The following ZFHX3 variants were observed in gnomAD, a reference collection of about 807,000 sequenced individuals.
ZFHX3 encodes the protein zinc finger homeobox protein 3.
A neutral mutation model predicts 279.1 loss-of-function variants in ZFHX3; 42 were observed. The ratio of observed to expected loss-of-function variants is 0.15; its 90% CI spans 0.12 to 0.19. ZFHX3 has a LOEUF of 0.19. ZFHX3 is among the 10% of genes least tolerant of loss of function. The pLI, the probability that ZFHX3 is intolerant of heterozygous loss-of-function variation, is 1.00. For synonymous variants in ZFHX3, 2,293 were observed against 1,957.8 expected, an observed-to-expected ratio of 1.17 and a Z score of -4.52; for missense variants, 4,981 against 4,754.0, an observed-to-expected ratio of 1.05 and a Z score of -1.40.
intron 4 of ZFHX3, among the ~76,000 whole-genome samples, chr16:73,313,845 C>T (rs2143173604): frequency 6.6e-6 from 1 of 152,346 alleles, no homozygotes; most frequent in Admixed American, 6.5e-5. Context: ...CGGTAGCTCA[C>T]ACCTGTAATC....
chr16:72,925,875 C>A (rs989174537), intron 3 of ZFHX3, among the ~76,000 whole-genome samples: 1 of 152,200 alleles, frequency 6.6e-6, no homozygotes, highest in Admixed American at 6.5e-5. Flanking sequence ...GAGGCACAGA[C>A]TGCTACTCCC....
At chr16:73,874,510 T>A (rs970163601) in intron 1 of ZFHX3, among the ~76,000 whole-genome samples, 2 of 152,204 alleles carry the variant, frequency 1.3e-5, no homozygotes, top group Non-Finnish European at 2.9e-5. Flanking sequence ...TTTCCTCCCC[T>A]CTAAATGTAC....
rs577771279 is a variant in ZFHX3 at position 72,785,310 on chromosome 16, C to G, written c.*1854G>C. On this transcript the variant is annotated 3_prime_UTR_variant, in exon 10 of 10. Coordinates refer to ENST00000268489, the MANE Select transcript of ZFHX3 (RefSeq NM_006885.4). ...AGAAACAAGTGCCTCACATACAGTTCCTTTTTTGCTTTCTGTACACTGCTA... is the reference window on the plus strand; with the variant it reads ...AGAAACAAGTGCCTCACATACAGTTGCTTTTTTGCTTTCTGTACACTGCTA... The G allele has an allele frequency of 1.3e-5, 2 of 152,236 alleles. No individual in the cohort carries two copies. Among genetic ancestry groups the G allele is most frequent in the Non-Finnish European group, 2.9e-5 (2 of 68,010 alleles). The allele number at this position is 152,236 out of a possible 1,614,324, so 9.4% of individuals were successfully genotyped here.
intron 1 of ZFHX3, among the ~76,000 whole-genome samples, chr16:73,843,996 C>G (rs74030907): frequency 0.022 from 3,385 of 152,166 alleles, 121 homozygotes; most frequent in African/African-American, 0.077. Flanking sequence ...TCTTAGCTGC[C>G]AGGCCATACA....
intron 2 of ZFHX3, among the ~76,000 whole-genome samples, chr16:73,589,819 T>C (rs190326113): frequency 6.9e-5 from 9 of 129,824 alleles, no homozygotes; most frequent in Non-Finnish European, 9.7e-5. Flanking sequence ...GGTAAAAGTA[T>C]AAAACAGCAA....
At chr16:73,795,536 C>A (rs552761883) in intron 1 of ZFHX3, among the ~76,000 whole-genome samples, 3 of 152,092 alleles carry the variant, frequency 2.0e-5, no homozygotes, top group Admixed American at 1.3e-4. Context: ...AATAGAGAAC[C>A]TTTCTATCTC....
At chr16:73,798,669 GT>G (rs1567414151) in intron 1 of ZFHX3, among the ~76,000 whole-genome samples, 1 of 152,146 alleles carries the variant, frequency 6.6e-6, no homozygotes. Context: ...CCTCAGCTCT[GT>G]TGTACATCAC....
At chr16:72,966,822 G>A (rs949716664) in intron 1 of ZFHX3, among the ~76,000 whole-genome samples, 3 of 152,356 alleles carry the variant, frequency 2.0e-5, no homozygotes, top group Middle Eastern at 3.4e-3. Flanking sequence ...TATAAGGAAA[G>A]AGAGGTGGGG....
intron 3 of ZFHX3, among the ~76,000 whole-genome samples, chr16:72,890,250 T>C (rs1021464010): frequency 6.6e-6 from 1 of 152,310 alleles, no homozygotes; most frequent in South Asian, 2.1e-4. Context: ...TGAGTTCTCA[T>C]GAGATCTGAT....
At chr16:73,340,510 T>C (rs4887975) in intron 3 of ZFHX3, among the ~76,000 whole-genome samples, 52,636 of 152,112 alleles carry the variant, frequency 0.35, 11,116 homozygotes, top group African/African-American at 0.57. Context: ...GTGCATGCCA[T>C]CACGTCCAGC....
intron 5 of ZFHX3, among the ~76,000 whole-genome samples, chr16:73,190,612 G>A (rs571363526): frequency 2.6e-5 from 4 of 152,216 alleles, no homozygotes; most frequent in Non-Finnish European, 5.9e-5. Context: ...GAAGGTGTGC[G>A]TAAGAAGGGG....
rs1400040162 is a variant in ZFHX3 at position 72,798,720 on chromosome 16, A to T, written c.3968-6T>A. On this transcript the variant is annotated splice_polypyrimidine_tract_variant and splice_region_variant and intron_variant, in intron 8 of 9. Transcript: ENST00000268489. ...TCCCAGATCCTCTGAGGTTTCTGTT[A>T]AAAAAAAAAAAAAAATCAAACCCAA... is the stretch of plus-strand genomic sequence containing the variant. 1.5e-4 allele frequency: 26 copies of T among 175,188 alleles called. No homozygotes were observed. The highest frequency in any genetic ancestry group is 4.9e-4 in the South Asian group (3 of 6,150). 10.9% of individuals were successfully genotyped at this position (175,188 alleles called of 1,614,324 possible).
At chr16:73,059,585 A>C (rs1367285859) in exon 1 of ZFHX3, 1 of 131,350 alleles carries the variant, frequency 7.6e-6, no homozygotes, top group East Asian at 2.6e-4. Flanking sequence ...GCAATGTTTA[A>C]ATTAACTAGG....
chr16:73,186,461 C>A (rs115820224), intron 5 of ZFHX3, among the ~76,000 whole-genome samples: 1 of 151,854 alleles, frequency 6.6e-6, no homozygotes, highest in Non-Finnish European at 1.5e-5. Flanking sequence ...TGAACTGAGA[C>A]GACATAAAAT....
intron 4 of ZFHX3, among the ~76,000 whole-genome samples, chr16:73,309,325 T>G (rs1251447326): frequency 6.6e-6 from 1 of 152,150 alleles, no homozygotes; most frequent in Non-Finnish European, 1.5e-5. Context: ...TGAGAACATG[T>G]GATATTTCGT....
chr16:73,130,157 C>T (rs1966651241), intron 7 of ZFHX3, among the ~76,000 whole-genome samples: 3 of 151,894 alleles, frequency 2.0e-5, no homozygotes, highest in Non-Finnish European at 4.4e-5. Context: ...AGAAATGTGT[C>T]TTATGGAAGG....
At chr16:73,077,115 C>A (rs1965893982) in intron 8 of ZFHX3, among the ~76,000 whole-genome samples, 1 of 152,028 alleles carries the variant, frequency 6.6e-6, no homozygotes, top group African/African-American at 2.4e-5. Flanking sequence ...GCTCAGTTGC[C>A]CTCTAGACGT....
At chr16:73,252,313 A>T (rs2013533989) in intron 5 of ZFHX3, among the ~76,000 whole-genome samples, 1 of 152,182 alleles carries the variant, frequency 6.6e-6, no homozygotes, top group East Asian at 1.9e-4. Context: ...GGCCTACAGG[A>T]ATGTGCAGGG....
chr16:73,296,213 A>G (rs2014906237), intron 4 of ZFHX3, among the ~76,000 whole-genome samples: 1 of 152,226 alleles, frequency 6.6e-6, no homozygotes, highest in Non-Finnish European at 1.5e-5. Flanking sequence ...TTTAAGATAC[A>G]TAACTGAAAA....
Sources: allele counts gnomAD v4.1 joint callset (sites outside exome capture counted in the v4.1 genomes callset), GRCh38; gene constraint gnomAD v4.1.1; transcripts MANE v1.5; gene names NCBI Gene and HGNC (gene_info 2026-07-23, HGNC 2026-07-21).